OSBPL6: variants seen among roughly 807,000 people sequenced by gnomAD.
The protein encoded by OSBPL6 is oxysterol-binding protein-related protein 6.
A neutral mutation model predicts 125.8 loss-of-function variants in OSBPL6; 49 were observed. The observed-to-expected ratio is 0.39, with a 90% CI of 0.31 to 0.49. The LOEUF (loss-of-function observed/expected upper bound fraction) is 0.49, where lower values mean the gene tolerates loss of function less well. Among genes scored for constraint, OSBPL6 ranks in the 20% least tolerant of loss-of-function variants. The probability of loss-of-function intolerance (pLI) is 0.88; values close to 1 mark genes in which losing one functional copy is unlikely to be tolerated. For synonymous variants in OSBPL6, 394 were observed against 391.8 expected (o/e 1.01, Z -0.07); for missense variants, 986 against 1,135.4 (o/e 0.87, Z 1.89).
At chr2:178,312,658 G>A (rs977492974) in intron 3 of OSBPL6, among the ~76,000 whole-genome samples, 3 of 151,404 alleles carry the variant, frequency 2.0e-5, no homozygotes, top group East Asian at 3.9e-4. Context: ...GTTTCACTAC[G>A]TTTGCCAGGC....
At chr2:178,277,409 G>T (rs977084593) in intron 1 of OSBPL6, among the ~76,000 whole-genome samples, 2 of 152,112 alleles carry the variant, frequency 1.3e-5, no homozygotes, top group Admixed American at 6.5e-5. Context: ...TCTTTGAATG[G>T]TTAATAAATG....
intron 2 of OSBPL6, 138 bp downstream of exon 2, chr2:178,285,259 T>G: frequency 2.6e-6 from 1 of 391,484 alleles, no homozygotes; most frequent in Admixed American, 4.4e-5. Flanking sequence ...TGTCAGATCT[T>G]AAAATAATAT....
chr2:178,282,537 G>T (rs1434261305), intron 1 of OSBPL6, among the ~76,000 whole-genome samples: 1 of 152,178 alleles, frequency 6.6e-6, no homozygotes, highest in Admixed American at 6.5e-5. Context: ...TAGCACAGGG[G>T]ACTCTTTAGC....
intron 1 of OSBPL6, among the ~76,000 whole-genome samples, chr2:178,272,684 C>A (rs1480841846): frequency 2.0e-5 from 3 of 152,214 alleles, no homozygotes; most frequent in African/African-American, 7.2e-5. Context: ...ATCTTTTTAA[C>A]TGAAGTCTTT....
intron 3 of OSBPL6, among the ~76,000 whole-genome samples, chr2:178,318,308 T>C (rs77943200): frequency 0.023 from 3,449 of 152,292 alleles, 131 homozygotes; most frequent in African/African-American, 0.079. Flanking sequence ...GGGACTGTGC[T>C]CACTTTGCTT....
intron 12 of OSBPL6, among the ~76,000 whole-genome samples, chr2:178,356,992 G>C (rs1691854002): frequency 6.6e-6 from 1 of 152,164 alleles, no homozygotes; most frequent in African/African-American, 2.4e-5. Flanking sequence ...ATGGAGAAAG[G>C]ATTCCCTATT....
Position 178,250,538 on chromosome 2 carries a change from T to C in OSBPL6, c.-350-34389T>C, listed in dbSNP as rs570195885. Reference sequence around the variant, plus strand: ...TAGAAGGAAATAAAAATCAGCACTTTGACAAAGGCGGCTGCTTGCCTTCCC... The same window carrying C: ...TAGAAGGAAATAAAAATCAGCACTTCGACAAAGGCGGCTGCTTGCCTTCCC... On this transcript the variant is annotated intron_variant, in intron 1 of 24. Transcript: ENST00000190611. Among the ~76,000 whole-genome samples the C allele has an allele frequency of 5.5e-4, 84 of 152,302 alleles. 1 individual carries two copies. Among genetic ancestry groups the C allele is most frequent in the African/African-American group, 2.0e-3 (82 of 41,562 alleles).
At chr2:178,348,051 C>A (rs544223705) in intron 11 of OSBPL6, among the ~76,000 whole-genome samples, 2 of 152,312 alleles carry the variant, frequency 1.3e-5, no homozygotes, top group East Asian at 3.9e-4. Flanking sequence ...TGATTCTTTC[C>A]ATCTCTTCCA....
intron 18 of OSBPL6, 42 bp from the exon 19 acceptor site, chr2:178,385,416 T>C: frequency 1.4e-6 from 2 of 1,430,502 alleles, no homozygotes; most frequent in South Asian, 1.2e-5. Flanking sequence ...CATGTGGAAG[T>C]CTTAACACTG....
chr2:178,326,856 T>C (rs1340156848), intron 4 of OSBPL6, among the ~76,000 whole-genome samples: 1 of 152,226 alleles, frequency 6.6e-6, no homozygotes, highest in Non-Finnish European at 1.5e-5. Context: ...GTCACATCTA[T>C]GTTTAAGAAA....
intron 1 of OSBPL6, among the ~76,000 whole-genome samples, chr2:178,271,566 C>A (rs564304792): frequency 1.2e-4 from 18 of 152,152 alleles, no homozygotes; most frequent in South Asian, 8.3e-4. Context: ...ATTATGCAAA[C>A]CTTAGACTTA....
intron 1 of OSBPL6, among the ~76,000 whole-genome samples, chr2:178,254,962 G>T (rs1054674207): frequency 6.6e-6 from 1 of 152,182 alleles, no homozygotes; most frequent in African/African-American, 2.4e-5. Context: ...CAATCATGGC[G>T]GAAGGTGATT....
At chr2:178,243,130 G>A (rs1346406882) in intron 1 of OSBPL6, among the ~76,000 whole-genome samples, 1 of 152,130 alleles carries the variant, frequency 6.6e-6, no homozygotes, top group African/African-American at 2.4e-5. Flanking sequence ...GTAATTTGCT[G>A]TAGTTAAGAA....
At chr2:178,269,877 T>C (rs764611621) in intron 1 of OSBPL6, among the ~76,000 whole-genome samples, 1 of 152,232 alleles carries the variant, frequency 6.6e-6, no homozygotes, top group African/African-American at 2.4e-5. Context: ...CTGACCTTTA[T>C]GGAGATCAAA....
At chr2:178,204,125 G>C (rs756668121) in intron 1 of OSBPL6, among the ~76,000 whole-genome samples, 1 of 150,560 alleles carries the variant, frequency 6.6e-6, no homozygotes, top group Non-Finnish European at 1.5e-5. Flanking sequence ...CTGGGTTCAA[G>C]CGTTTCTCAT....
intron 1 of OSBPL6, among the ~76,000 whole-genome samples, chr2:178,234,373 G>A (rs1042823079): frequency 6.6e-6 from 1 of 152,156 alleles, no homozygotes; most frequent in African/African-American, 2.4e-5. Flanking sequence ...TCAGGCCGCA[G>A]TATAACCTAC....
chr2:178,383,990 C>G (rs1481228779), intron 17 of OSBPL6, 49 bp from the exon 18 acceptor site: 6 of 1,587,564 alleles, frequency 3.8e-6, no homozygotes, highest in Non-Finnish European at 5.2e-6. Context: ...CAAACAGACC[C>G]AGCAGTCGTC....
intron 11 of OSBPL6, among the ~76,000 whole-genome samples, chr2:178,340,553 A>C (rs1690104161): frequency 6.6e-6 from 1 of 152,030 alleles, no homozygotes; most frequent in Non-Finnish European, 1.5e-5. Context: ...TTATGTCATA[A>C]ACCATATTAC....
intron 1 of OSBPL6, among the ~76,000 whole-genome samples, 190 bp downstream of exon 1, chr2:178,194,864 G>A (rs1028305746): frequency 3.9e-5 from 6 of 152,154 alleles, no homozygotes; most frequent in Non-Finnish European, 8.8e-5. Flanking sequence ...CCGGGCTACA[G>A]GGAAGTGGGG....
Sources: gnomAD v4.1 joint callset for allele counts (sites outside exome capture counted in the v4.1 genomes callset) on GRCh38, gnomAD v4.1.1 for gene constraint, MANE v1.5 for transcripts, NCBI Gene and HGNC (gene_info 2026-07-23, HGNC 2026-07-21) for gene names.